The following ADAMTS12 variants were observed in gnomAD, a reference collection of about 807,000 sequenced individuals.
ADAMTS12 encodes the protein ADAM metallopeptidase with thrombospondin type 1 motif 12.
In ADAMTS12, 118 loss-of-function variants were observed where a neutral mutation model predicts 167.8. That is an observed-to-expected ratio of 0.70 (90% CI 0.61 to 0.82). ADAMTS12 has a LOEUF of 0.82. ADAMTS12 is among the 40% of genes least tolerant of loss of function. The probability of loss-of-function intolerance (pLI) is 0.00; values close to 1 mark genes in which losing one functional copy is unlikely to be tolerated. For missense variants in ADAMTS12, 1,916 were observed against 1,998.8 expected (o/e 0.96, Z 0.79); for synonymous variants, 704 against 716.9 (o/e 0.98, Z 0.29).
intron 3 of ADAMTS12, among the ~76,000 whole-genome samples, chr5:33,685,958 A>C (rs549581194): frequency 1.3e-5 from 2 of 152,142 alleles, no homozygotes; most frequent in African/African-American, 4.8e-5. Flanking sequence ...CCAAGCAGCC[A>C]GCCCACTTTA....
chr5:33,722,027 T>C (rs1006160064), intron 3 of ADAMTS12, among the ~76,000 whole-genome samples: 1 of 152,232 alleles, frequency 6.6e-6, no homozygotes, highest in South Asian at 2.1e-4. Context: ...TTCTTCCTTA[T>C]TCTGGCTTCA....
At chr5:33,557,788 C>T (rs370146666) in intron 20 of ADAMTS12, among the ~76,000 whole-genome samples, 53 of 152,278 alleles carry the variant, frequency 3.5e-4, no homozygotes, top group Middle Eastern at 3.4e-3. Context: ...GAGCATCGGG[C>T]GAGCAAGCAA....
intron 18 of ADAMTS12, among the ~76,000 whole-genome samples, chr5:33,585,103 T>C (rs923798348): frequency 6.6e-5 from 10 of 152,146 alleles, no homozygotes; most frequent in East Asian, 1.9e-4. Flanking sequence ...AAAGATGGCA[T>C]AGGTTTTTAC....
intron 11 of ADAMTS12, among the ~76,000 whole-genome samples, chr5:33,639,079 A>G (rs750858724): frequency 2.0e-4 from 31 of 152,124 alleles, no homozygotes; most frequent in Non-Finnish European, 1.3e-4. Context: ...CATTTCTCTG[A>G]GCCTCAGTTT....
chr5:33,748,256 T>G (rs2112385233), intron 3 of ADAMTS12, among the ~76,000 whole-genome samples: 1 of 152,308 alleles, frequency 6.6e-6, no homozygotes, highest in African/African-American at 2.4e-5. Flanking sequence ...AAGGAGCTTG[T>G]CATCGTTGAT....
chr5:33,880,064 C>T (rs1042590046), intron 2 of ADAMTS12, among the ~76,000 whole-genome samples: 16 of 152,232 alleles, frequency 1.1e-4, no homozygotes, highest in Non-Finnish European at 2.2e-4. Context: ...AAAATCTCAA[C>T]AGAATTCCTG....
At chr5:33,846,832 C>T (rs1238286425) in intron 2 of ADAMTS12, among the ~76,000 whole-genome samples, 3 of 152,132 alleles carry the variant, frequency 2.0e-5, no homozygotes, top group Non-Finnish European at 4.4e-5. Flanking sequence ...AGCAATGAGT[C>T]CTAAAAAGAT....
chr5:33,583,895 A>G (rs1747203480), intron 18 of ADAMTS12, among the ~76,000 whole-genome samples: 1 of 152,152 alleles, frequency 6.6e-6, no homozygotes, highest in Admixed American at 6.6e-5. Context: ...GGAGGCTCTG[A>G]TTTCTCAGCA....
chr5:33,604,201 A>T (rs1738316719), intron 16 of ADAMTS12, among the ~76,000 whole-genome samples: 1 of 152,334 alleles, frequency 6.6e-6, no homozygotes, highest in East Asian at 1.9e-4. Context: ...ATAATGAAAG[A>T]TGTCATAAAC....
At chr5:33,864,744 A>C (rs1749748068) in intron 2 of ADAMTS12, among the ~76,000 whole-genome samples, 1 of 152,198 alleles carries the variant, frequency 6.6e-6, no homozygotes, top group African/African-American at 2.4e-5. Flanking sequence ...CAGGAACAGA[A>C]AACCAAACAC....
At chr5:33,800,949 G>C (rs1746976878) in intron 2 of ADAMTS12, among the ~76,000 whole-genome samples, 1 of 152,166 alleles carries the variant, frequency 6.6e-6, no homozygotes, top group South Asian at 2.1e-4. Context: ...AGATTATCTA[G>C]GTGGGTCCTA....
chr5:33,807,978 A>G (rs370133903), intron 2 of ADAMTS12, among the ~76,000 whole-genome samples: 1 of 152,330 alleles, frequency 6.6e-6, no homozygotes, highest in African/African-American at 2.4e-5. Flanking sequence ...AAGTGATTAC[A>G]GCATATTGGA....
In ADAMTS12 at chr5:33,637,724, A is replaced by T; in HGVS notation, c.1741T>A (p.Cys581Ser). 13 of 1,613,230 alleles carry T rather than the reference A, an allele frequency of 8.1e-6. No individual in the cohort carries two copies. Among genetic ancestry groups the T allele is most frequent in the Non-Finnish European group, 1.1e-5 (13 of 1,179,440 alleles). The change falls in exon 12 of 24, where the codon TGC (cysteine) becomes AGC (serine). Residue 581 changes from cysteine (C) to serine (S), a missense_variant. Cys to Ser is a moderately radical substitution (Grantham distance 112). Coordinates refer to ENST00000504830, the MANE Select transcript of ADAMTS12 (RefSeq NM_030955.4). Reference protein sequence around the residue: ...NPEPKFGGKYCTGERKRYRLC... With the variant: ...NPEPKFGGKYSTGERKRYRLC... Reference sequence around the variant, plus strand: ...CGATAGCGTTTTCTTTCTCCAGTGCAATATTTCCCTCCAAACTTTGGCCTG... The same window carrying T: ...CGATAGCGTTTTCTTTCTCCAGTGCTATATTTCCCTCCAAACTTTGGCCTG...
intron 2 of ADAMTS12, among the ~76,000 whole-genome samples, chr5:33,778,463 T>C (rs569634342): frequency 1.3e-5 from 2 of 150,810 alleles, no homozygotes; most frequent in Admixed American, 1.3e-4. Flanking sequence ...GAAGACTGGA[T>C]ATGCACATTC....
chr5:33,711,773 A>T (rs879473373), intron 3 of ADAMTS12, among the ~76,000 whole-genome samples: 10 of 152,186 alleles, frequency 6.6e-5, no homozygotes, highest in Admixed American at 3.3e-4. Context: ...ATTACTACTT[A>T]AACACAGGGA....
chr5:33,611,313 C>T (rs758588629), intron 16 of ADAMTS12, among the ~76,000 whole-genome samples: 6 of 150,834 alleles, frequency 4.0e-5, no homozygotes, highest in Non-Finnish European at 8.8e-5. Flanking sequence ...ATGTGGAATG[C>T]GCTTCTTGAT....
At chr5:33,885,332 C>T (rs1750597028) in intron 1 of ADAMTS12, among the ~76,000 whole-genome samples, 1 of 152,002 alleles carries the variant, frequency 6.6e-6, no homozygotes, top group Admixed American at 6.6e-5. Context: ...GGTAAGAGTA[C>T]ATATTTTTAT....
intron 12 of ADAMTS12, among the ~76,000 whole-genome samples, chr5:33,635,592 T>C (rs1343388262): frequency 6.6e-6 from 1 of 152,178 alleles, no homozygotes; most frequent in Admixed American, 6.6e-5. Flanking sequence ...CTGTGGGAAG[T>C]ATCACTGTCC....
At position 33,773,800 on chromosome 5, in the gene ADAMTS12, C is replaced by T. The variant is rs186247215; in HGVS notation, c.490-22252G>A. Among the ~76,000 whole-genome samples the T allele has an allele frequency of 2.4e-3, 373 of 152,276 alleles. 1 individual carries two copies. The highest frequency in any genetic ancestry group is 8.3e-3 in the African/African-American group (347 of 41,568). On this transcript the variant is annotated intron_variant, in intron 2 of 23. Transcript: ENST00000504830. The stretch of plus-strand genomic sequence containing the variant: ...ATGATAGACTTTTTTTGCATACATA[C>T]ATATGACTTTCAGTTCTTCATAAAA...
Sources: gnomAD v4.1 joint callset for allele counts (sites outside exome capture counted in the v4.1 genomes callset) on GRCh38, gnomAD v4.1.1 for gene constraint, MANE v1.5 for transcripts, NCBI Gene and HGNC (gene_info 2026-07-23, HGNC 2026-07-21) for gene names.